Variants in CYTH3 observed in about 807,000 individuals in gnomAD.
CYTH3 encodes cytohesin-3.
CYTH3 carries 23 observed loss-of-function variants against 55.1 expected under a neutral mutation model. The observed-to-expected ratio is 0.42, with a 90% CI of 0.30 to 0.59. CYTH3 has a LOEUF of 0.59. CYTH3 is among the 20% of genes least tolerant of loss of function. The probability of loss-of-function intolerance (pLI) is 0.20; values close to 1 mark genes in which losing one functional copy is unlikely to be tolerated. For synonymous variants in CYTH3, 249 were observed against 194.9 expected, an observed-to-expected ratio of 1.28 and a Z score of -2.31; for missense variants, 413 against 524.8, an observed-to-expected ratio of 0.79 and a Z score of 2.08.
intron 1 of CYTH3, among the ~76,000 whole-genome samples, chr7:6,249,979 GCAA>G (rs1779919908): frequency 6.6e-6 from 1 of 152,164 alleles, no homozygotes; most frequent in African/African-American, 2.4e-5. Flanking sequence ...TCTTACAAAT[GCAA>G]GACTGTACGC....
intron 1 of CYTH3, among the ~76,000 whole-genome samples, chr7:6,257,691 A>C (rs73675901): frequency 0.014 from 2,105 of 152,324 alleles, 42 homozygotes; most frequent in African/African-American, 0.046. Flanking sequence ...TTCGCACTCT[A>C]TGGCGAGGAG....
At chr7:6,182,921 G>GT (rs1783545938) in intron 4 of CYTH3, among the ~76,000 whole-genome samples, 1 of 152,152 alleles carries the variant, frequency 6.6e-6, no homozygotes, top group African/African-American at 2.4e-5. Flanking sequence ...CTTGGTGGGT[G>GT]TTTGTCTTTG....
chr7:6,269,030 A>G (rs1356317558), intron 1 of CYTH3, among the ~76,000 whole-genome samples: 1 of 151,848 alleles, frequency 6.6e-6, no homozygotes, highest in Non-Finnish European at 1.5e-5. Context: ...TGCCAGAGAC[A>G]CTCCCTGAGG....
intron 2 of CYTH3, among the ~76,000 whole-genome samples, chr7:6,188,510 G>A (rs938938749): frequency 2.0e-5 from 3 of 151,682 alleles, no homozygotes; most frequent in Non-Finnish European, 2.9e-5. Flanking sequence ...TGTTTAGATC[G>A]GTGGTCTCAG....
At chr7:6,263,357 C>T (rs1780403130) in intron 1 of CYTH3, among the ~76,000 whole-genome samples, 1 of 152,184 alleles carries the variant, frequency 6.6e-6, no homozygotes, top group Non-Finnish European at 1.5e-5. Context: ...AATCTGTTAT[C>T]TATTAAAACT....
At chr7:6,199,161 G>T (rs1162582776) in intron 1 of CYTH3, among the ~76,000 whole-genome samples, 7 of 152,208 alleles carry the variant, frequency 4.6e-5, no homozygotes, top group African/African-American at 1.7e-4. Flanking sequence ...ACATCATTCA[G>T]CCAAAATCCT....
At chr7:6,194,641 A>T (rs1019108567) in intron 1 of CYTH3, among the ~76,000 whole-genome samples, 3 of 151,980 alleles carry the variant, frequency 2.0e-5, no homozygotes, top group Admixed American at 1.3e-4. Flanking sequence ...CTGCAACAGA[A>T]GATATGTACC....
At chr7:6,180,769 G>A (rs1783485627) in intron 4 of CYTH3, among the ~76,000 whole-genome samples, 1 of 152,162 alleles carries the variant, frequency 6.6e-6, no homozygotes, top group South Asian at 2.1e-4. Flanking sequence ...AGAAATGGGG[G>A]CGGTGGCACC....
chr7:6,231,369 C>T lies in CYTH3; in HGVS notation c.35-40838G>A, dbSNP rs542769554. On this transcript the variant is annotated intron_variant, in intron 1 of 12. Coordinates refer to ENST00000350796, the MANE Select transcript of CYTH3 (RefSeq NM_004227.4). ...CTGGGCAAAGGAAACAGAGTGAGCA[C>T]GAAGACTCCAAAGAGCCCTGCAGGA... Among the ~76,000 whole-genome samples, 12 of 152,278 alleles carry T rather than the reference C, an allele frequency of 7.9e-5. No individual in the cohort carries two copies. The East Asian group carries it at 1.9e-3, about 25-fold the overall frequency.
chr7:6,201,741 C>G (rs977061785), intron 1 of CYTH3, among the ~76,000 whole-genome samples: 1 of 152,082 alleles, frequency 6.6e-6, no homozygotes. Flanking sequence ...CTCTCAAGTT[C>G]TTAGGGTTCG....
chr7:6,232,454 C>T (rs918151646), intron 1 of CYTH3, among the ~76,000 whole-genome samples: 1 of 152,180 alleles, frequency 6.6e-6, no homozygotes, highest in African/African-American at 2.4e-5. Context: ...GACCACATGG[C>T]CTGTAATGAT....
intron 1 of CYTH3, among the ~76,000 whole-genome samples, chr7:6,218,068 A>G (rs1191853310): frequency 6.6e-6 from 1 of 151,990 alleles, no homozygotes; most frequent in African/African-American, 2.4e-5. Flanking sequence ...CTGTAGTTCC[A>G]GCTATTCAGG....
intron 12 of CYTH3, 67 bp from the exon 13 acceptor site, chr7:6,165,083 G>A (rs1263870266): frequency 1.3e-6 from 2 of 1,597,790 alleles, no homozygotes; most frequent in African/African-American, 2.7e-5. Flanking sequence ...TTTCCCACCA[G>A]CCCCAGAGGC....
chr7:6,191,514 T>C (rs1783803322), intron 1 of CYTH3, among the ~76,000 whole-genome samples: 1 of 151,916 alleles, frequency 6.6e-6, no homozygotes, highest in East Asian at 1.9e-4. Flanking sequence ...AAAGTATAAA[T>C]GTGAAGGGGA....
In CYTH3 at chr7:6,165,446, G is replaced by C; in HGVS notation, c.973-19C>G. The C allele has an allele frequency of 6.2e-7, 1 of 1,610,326 alleles. No homozygotes were observed. The highest frequency in any genetic ancestry group is 1.3e-5 in the African/African-American group (1 of 74,986). ...AACAGTTCTGGTGGAGAAAGAGAGA[G>C]GGGAGGCGGTCAGGGGGGCTTGGGG... is the stretch of plus-strand genomic sequence containing the variant. On this transcript the variant is annotated intron_variant, in intron 11 of 12. Transcript: ENST00000350796.
chr7:6,226,718 T>C (rs968177611), intron 1 of CYTH3, among the ~76,000 whole-genome samples: 2 of 152,166 alleles, frequency 1.3e-5, no homozygotes, highest in Non-Finnish European at 2.9e-5. Context: ...CTGTAAGAAC[T>C]TGAAGGTTCC....
At chr7:6,192,016 G>A (rs1463418098) in intron 1 of CYTH3, among the ~76,000 whole-genome samples, 1 of 151,966 alleles carries the variant, frequency 6.6e-6, no homozygotes, top group Non-Finnish European at 1.5e-5. Flanking sequence ...GGAGTTTGAG[G>A]CTGCAGTGAG....
intron 4 of CYTH3, among the ~76,000 whole-genome samples, chr7:6,185,961 T>C (rs976642147): frequency 6.6e-6 from 1 of 151,394 alleles, no homozygotes; most frequent in African/African-American, 2.4e-5. Flanking sequence ...ACAGACCGAC[T>C]GGGCCAGGCA....
Position 6,162,213 on chromosome 7 carries a change from C to CAA in CYTH3, c.*2729_*2730dup, listed in dbSNP as rs1281176301. On this transcript the variant is annotated 3_prime_UTR_variant, in exon 13 of 13. Transcript: ENST00000350796. ...AAAATGTTCTGTGACCCCAAAGACACAAAGTTGCTGCTTATCTGGGTCCAG... is the reference window on the plus strand; with the variant it reads ...AAAATGTTCTGTGACCCCAAAGACACAAAAAGTTGCTGCTTATCTGGGTCCAG... 6.6e-6 allele frequency: 1 copy of CAA among 152,450 alleles called. No homozygotes were observed. Among genetic ancestry groups the CAA allele is most frequent in the African/African-American group, 2.4e-5 (1 of 41,456 alleles). 9.4% of individuals were successfully genotyped at this position (152,450 alleles called of 1,614,324 possible).
Sources: allele counts gnomAD v4.1 joint callset (sites outside exome capture counted in the v4.1 genomes callset), GRCh38; gene constraint gnomAD v4.1.1; transcripts MANE v1.5; gene names NCBI Gene and HGNC (gene_info 2026-07-23, HGNC 2026-07-21).